NINL: variants seen among roughly 807,000 people sequenced by gnomAD.
The protein encoded by NINL is ninein-like protein.
A neutral mutation model predicts 160.3 loss-of-function variants in NINL; 153 were observed. That is an observed-to-expected ratio of 0.95 (90% CI 0.84 to 1.09). The LOEUF (loss-of-function observed/expected upper bound fraction) is 1.09, where lower values mean the gene tolerates loss of function less well. Among genes scored for constraint, NINL ranks in the 50% least tolerant of loss-of-function variants. NINL has a pLI of 0.00. For synonymous variants in NINL, 800 were observed against 734.8 expected, an observed-to-expected ratio of 1.09 and a Z score of -1.43; for missense variants, 1,829 against 1,764.0, an observed-to-expected ratio of 1.04 and a Z score of -0.66.
At chr20:25,497,723 A>C (rs1376336418) in intron 9 of NINL, among the ~76,000 whole-genome samples, 1 of 152,212 alleles carries the variant, frequency 6.6e-6, no homozygotes, top group Non-Finnish European at 1.5e-5. Flanking sequence ...TCCTGCTGAC[A>C]GCCCAGCCTG....
At position 25,561,467 on chromosome 20, in the gene NINL, A is replaced by G. The variant is rs1203244383; in HGVS notation, c.-12+23988T>C. Among the ~76,000 whole-genome samples the G allele has an allele frequency of 6.7e-5, 10 of 149,510 alleles. No homozygotes were observed. The East Asian group carries it at 1.0e-3, about 15-fold the overall frequency. On this transcript the variant is annotated intron_variant, in intron 1 of 23. Transcript: ENST00000278886. ...GCCCGGCCGCTACCCCGTCTGGGAA[A>G]TGAGGAGCGTCTCTGCCTGGCCGCC...
chr20:25,526,175 T>C (rs1289199004), intron 2 of NINL, among the ~76,000 whole-genome samples: 2 of 152,152 alleles, frequency 1.3e-5, no homozygotes, highest in Non-Finnish European at 2.9e-5. Flanking sequence ...AATATCTCTC[T>C]GGAAAAACAA....
intron 2 of NINL, among the ~76,000 whole-genome samples, chr20:25,519,183 T>A (rs1488425795): frequency 6.6e-6 from 1 of 152,130 alleles, no homozygotes; most frequent in Non-Finnish European, 1.5e-5. Context: ...ATTCTTAGCT[T>A]ACCAAAGTTG....
intron 1 of NINL, among the ~76,000 whole-genome samples, chr20:25,553,605 C>T (rs1373673913): frequency 3.3e-5 from 5 of 152,188 alleles, no homozygotes; most frequent in Non-Finnish European, 4.4e-5. Context: ...GAACACGTGT[C>T]ACAAGTAAAG....
intron 10 of NINL, among the ~76,000 whole-genome samples, chr20:25,494,574 A>G (rs1601141079): frequency 6.6e-6 from 1 of 152,242 alleles, no homozygotes; most frequent in Admixed American, 6.5e-5. Flanking sequence ...GTCCCCAGCC[A>G]GCCCTGGAAG....
rs778029724 is a variant in NINL, at chr20:25,476,647, C to T, written c.2644G>A (p.Ala882Thr). The T allele has an allele frequency of 6.3e-6, 10 of 1,588,644 alleles. No homozygotes were observed. Among genetic ancestry groups the T allele is most frequent in the Admixed American group, 5.1e-5 (3 of 58,384 alleles). ...CTCTGCGTAGCTTCTGTGTCCTGGG[C>T]TTGCCTGCGGCGAGGCCCGGCTCCT... Reference protein sequence around the residue: ...AAGAGPRRRQAQDTEATQSPA... With the variant: ...AAGAGPRRRQTQDTEATQSPA... The change falls in exon 17 of 24, where the codon GCC (alanine) becomes ACC (threonine). Residue 882 changes from alanine (A) to threonine (T), a missense_variant. By Grantham distance (58) the Ala-to-Thr change is moderately conservative. Transcript: ENST00000278886.
At chr20:25,481,392 C>A (rs2063385271) in intron 14 of NINL, among the ~76,000 whole-genome samples, 1 of 152,202 alleles carries the variant, frequency 6.6e-6, no homozygotes, top group African/African-American at 2.4e-5. Context: ...GACCCCCATT[C>A]TCTCTGCAGA....
chr20:25,573,011 A>C (rs1163926593), intron 1 of NINL, among the ~76,000 whole-genome samples: 1 of 152,168 alleles, frequency 6.6e-6, no homozygotes, highest in Non-Finnish European at 1.5e-5. Context: ...GAAATAAAAG[A>C]ATAGGCCAGG....
At chr20:25,504,534 T>TG (rs1212749725) in intron 6 of NINL, among the ~76,000 whole-genome samples, 6 of 152,048 alleles carry the variant, frequency 3.9e-5, no homozygotes, top group African/African-American at 1.2e-4. Flanking sequence ...AGGACAGGCT[T>TG]GGGGGCCTTG....
At chr20:25,485,926 T>C (rs1434670854) in intron 13 of NINL, among the ~76,000 whole-genome samples, 1 of 152,250 alleles carries the variant, frequency 6.6e-6, no homozygotes, top group East Asian at 1.9e-4. Flanking sequence ...TTTTATGACA[T>C]TGATAATTTT....
At chr20:25,466,483 T>C (rs939026756) in intron 19 of NINL, among the ~76,000 whole-genome samples, 2 of 152,148 alleles carry the variant, frequency 1.3e-5, no homozygotes, top group African/African-American at 4.8e-5. Flanking sequence ...AACTTTCCTG[T>C]GTTTAAAGTT....
At chr20:25,542,802 G>T (rs773772513) in intron 1 of NINL, among the ~76,000 whole-genome samples, 1 of 138,822 alleles carries the variant, frequency 7.2e-6, no homozygotes, top group East Asian at 2.2e-4. Flanking sequence ...AGGCTGAGGC[G>T]GGCGGATCAT....
chr20:25,524,921 A>G (rs902071467), intron 2 of NINL, among the ~76,000 whole-genome samples: 47 of 137,236 alleles, frequency 3.4e-4, no homozygotes, highest in East Asian at 2.0e-3. Context: ...ATATATATAT[A>G]TATGTGTGTG....
intron 1 of NINL, among the ~76,000 whole-genome samples, chr20:25,552,612 G>GT (rs2064818494): frequency 1.3e-5 from 2 of 152,170 alleles, no homozygotes; most frequent in African/African-American, 4.8e-5. Flanking sequence ...AATCACGGAG[G>GT]GGCCACAAGC....
chr20:25,461,510 G>T lies in NINL; in HGVS notation c.3696+12C>A. 6.6e-7 allele frequency: 1 copy of T among 1,508,036 alleles called. No homozygotes were observed. The highest frequency in any genetic ancestry group is 8.9e-7 in the Non-Finnish European group (1 of 1,119,904). 93.4% of individuals were successfully genotyped at this position (1,508,036 alleles called of 1,614,324 possible). On this transcript the variant is annotated intron_variant, in intron 21 of 23. Coordinates refer to ENST00000278886, the MANE Select transcript of NINL (RefSeq NM_025176.6). ...ACTGGACCCAGTGCCTCCAGCCATCGCTCACACCCACCTGGTCTTGACTTT... is the reference window on the plus strand; with the variant it reads ...ACTGGACCCAGTGCCTCCAGCCATCTCTCACACCCACCTGGTCTTGACTTT...
chr20:25,454,618 A>C (rs922024677), intron 23 of NINL, among the ~76,000 whole-genome samples: 1 of 152,152 alleles, frequency 6.6e-6, no homozygotes, highest in Non-Finnish European at 1.5e-5. Flanking sequence ...CTGGATCACG[A>C]TGGAGCAAAA....
At chr20:25,471,824 A>G (rs2063101840) in intron 17 of NINL, among the ~76,000 whole-genome samples, 1 of 152,152 alleles carries the variant, frequency 6.6e-6, no homozygotes, top group South Asian at 2.1e-4. Flanking sequence ...CATCCCATAT[A>G]AGGCTCTTTA....
intron 1 of NINL, among the ~76,000 whole-genome samples, chr20:25,585,195 G>A (rs943532379): frequency 6.6e-6 from 1 of 152,196 alleles, no homozygotes; most frequent in Non-Finnish European, 1.5e-5. Context: ...CCGCCGTCGG[G>A]AAACCGGGTT....
intron 5 of NINL, among the ~76,000 whole-genome samples, chr20:25,507,338 G>A (rs2063981224): frequency 6.6e-6 from 1 of 152,114 alleles, no homozygotes. Flanking sequence ...GCGGGCTCAG[G>A]TGGTGGATGG....
Sources: allele counts gnomAD v4.1 joint callset (sites outside exome capture counted in the v4.1 genomes callset), GRCh38; gene constraint gnomAD v4.1.1; transcripts MANE v1.5; gene names NCBI Gene and HGNC (gene_info 2026-07-23, HGNC 2026-07-21).